The following SOS1 variants were observed in gnomAD, a reference collection of about 807,000 sequenced individuals.
The protein encoded by SOS1 is son of sevenless homolog 1.
A neutral mutation model predicts 157.6 loss-of-function variants in SOS1; 25 were observed. That is an observed-to-expected ratio of 0.16 (90% CI 0.12 to 0.22). The LOEUF (loss-of-function observed/expected upper bound fraction) is 0.22. SOS1 is among the 10% of genes least tolerant of loss of function. The probability of loss-of-function intolerance (pLI) is 1.00; values close to 1 mark genes in which losing one functional copy is unlikely to be tolerated. For missense variants in SOS1, 1,237 were observed against 1,599.1 expected, an observed-to-expected ratio of 0.77 and a Z score of 3.86; for synonymous variants, 528 against 534.0, an observed-to-expected ratio of 0.99 and a Z score of 0.16.
At chr2:39,031,759 T>C (rs1040613200) in intron 8 of SOS1, among the ~76,000 whole-genome samples, 1 of 152,046 alleles carries the variant, frequency 6.6e-6, no homozygotes, top group Non-Finnish European at 1.5e-5. Flanking sequence ...TACTGGTCAA[T>C]ATATTTACTT....
At position 39,042,561 on chromosome 2, in the gene SOS1, G is replaced by A. The variant is rs537785962; in HGVS notation, c.865-7061C>T. 2.0e-5 allele frequency among the ~76,000 whole-genome samples: 3 copies of A among 151,876 alleles called. No homozygotes were observed. In the South Asian group the frequency reaches 6.3e-4, roughly 32 times the overall value. On this transcript the variant is annotated intron_variant, in intron 6 of 22. Coordinates refer to ENST00000402219, the MANE Select transcript of SOS1 (RefSeq NM_005633.4). ...TGAGATCACAGATGCCCGCCACTACGCCCAGCTAATTTTTTGTACTTTTAG... is the reference window on the plus strand; with the variant it reads ...TGAGATCACAGATGCCCGCCACTACACCCAGCTAATTTTTTGTACTTTTAG...
At chr2:39,105,392 C>T (rs1673131305) in intron 1 of SOS1, among the ~76,000 whole-genome samples, 1 of 151,808 alleles carries the variant, frequency 6.6e-6, no homozygotes, top group South Asian at 2.1e-4. Flanking sequence ...GCTGGGATTA[C>T]AGCTGTGAGG....
chr2:39,124,339 G>A (rs1193125476), upstream of SOS1: 1 of 152,300 alleles, frequency 6.6e-6, no homozygotes, highest in East Asian at 1.9e-4. Flanking sequence ...AGGCGCAGAG[G>A]CTTCTTTTCG....
intron 2 of SOS1, among the ~76,000 whole-genome samples, chr2:39,060,028 C>T (rs570063339): frequency 6.6e-6 from 1 of 151,832 alleles, no homozygotes; most frequent in Admixed American, 6.6e-5. Flanking sequence ...GAGGAGGCAT[C>T]GCAGGTGAAA....
chr2:39,042,380 T>C (rs1426433015), intron 6 of SOS1, among the ~76,000 whole-genome samples: 3 of 152,102 alleles, frequency 2.0e-5, no homozygotes, highest in African/African-American at 7.2e-5. Context: ...AGATCTTCCT[T>C]GTGAATCTAA....
chr2:39,123,389 T>C (rs1386554066), upstream of SOS1, among the ~76,000 whole-genome samples: 1 of 150,346 alleles, frequency 6.7e-6, no homozygotes, highest in African/African-American at 2.4e-5. Flanking sequence ...AGACAGAGTC[T>C]CATTTTGTTG....
At chr2:39,017,842 T>C (rs1413547459) in intron 10 of SOS1, among the ~76,000 whole-genome samples, 1 of 151,966 alleles carries the variant, frequency 6.6e-6, no homozygotes, top group Non-Finnish European at 1.5e-5. Context: ...TCTATTGGAT[T>C]GGTTTCTCCA....
chr2:39,112,016 A>G lies in SOS1; in HGVS notation c.87+8320T>C, dbSNP rs140784994. Among the ~76,000 whole-genome samples, 117 of 151,930 alleles carry G rather than the reference A, an allele frequency of 7.7e-4. 1 individual carries two copies. The East Asian group carries it at 0.021, about 27-fold the overall frequency. On this transcript the variant is annotated intron_variant, in intron 1 of 22. Coordinates refer to ENST00000402219, the MANE Select transcript of SOS1 (RefSeq NM_005633.4). The stretch of plus-strand genomic sequence containing the variant: ...CTCTGGAATCTTAAAACTCCAAAAT[A>G]TAACAATTGTCATCATCTCTAATCA...
chr2:39,108,895 T>TA lies in SOS1; in HGVS notation c.87+11440dup, dbSNP rs57642192. ...GTGACAGAGTAAGACCTGGTGTCTTTAAAAAAAAAAAAAATTATATGGGCT... is the reference window on the plus strand; with the variant it reads ...GTGACAGAGTAAGACCTGGTGTCTTTAAAAAAAAAAAAAAATTATATGGGCT... On this transcript the variant is annotated intron_variant, in intron 1 of 22. Transcript: ENST00000402219. Among the ~76,000 whole-genome samples the TA allele has an allele frequency of 8.4e-3, 1,215 of 145,306 alleles. 5 individuals are homozygous for TA. The highest frequency in any genetic ancestry group is 0.014 in the Middle Eastern group (4 of 278).
At position 38,986,293 on chromosome 2, in the gene SOS1, C is replaced by G. The variant is rs1050237569; in HGVS notation, c.3533G>C (p.Ser1178Thr). 6.2e-7 allele frequency: 1 copy of G among 1,612,474 alleles called. No individual in the cohort carries two copies. Among genetic ancestry groups the G allele is most frequent in the Non-Finnish European group, 8.5e-7 (1 of 1,179,194 alleles). ...PSKIMSKHLD[S>T]PPAIPPRQPT... Reference sequence around the variant, plus strand: ...TTGCCTAGGAGGAATGGCTGGGGGACTGTCCAAATGCTTAGACATAATCTA... The same window carrying G: ...TTGCCTAGGAGGAATGGCTGGGGGAGTGTCCAAATGCTTAGACATAATCTA... Residue 1178 changes from serine to threonine, a missense_variant, in exon 23 of 23, where the codon AGT becomes ACT. Physicochemically the swap from Ser to Thr is moderately conservative, Grantham distance 58. Transcript: ENST00000402219.
chr2:39,030,947 G>A (rs1670139201), intron 8 of SOS1, among the ~76,000 whole-genome samples: 2 of 152,074 alleles, frequency 1.3e-5, no homozygotes, highest in African/African-American at 4.8e-5. Context: ...GCAAAGACGG[G>A]AGTGATGGCA....
At chr2:39,071,834 C>T (rs184026640) in intron 1 of SOS1, among the ~76,000 whole-genome samples, 2 of 151,728 alleles carry the variant, frequency 1.3e-5, no homozygotes, top group African/African-American at 4.8e-5. Flanking sequence ...TGCTAAAACA[C>T]GGCATGCAGT....
chr2:38,995,718 G>C lies in SOS1; in HGVS notation c.3082-331C>G, dbSNP rs141310875. On this transcript the variant is annotated intron_variant, in intron 19 of 22. Coordinates refer to ENST00000402219, the MANE Select transcript of SOS1 (RefSeq NM_005633.4). ...CCTGGTTTTTAAAACAGACTATTTT[G>C]AGCAAATTTAACCTTGTTGAAAAGC... Among the ~76,000 whole-genome samples the C allele has an allele frequency of 3.5e-3, 529 of 152,154 alleles. 4 individuals carry two copies. The highest frequency in any genetic ancestry group is 0.012 in the African/African-American group (504 of 41,492).
At chr2:38,988,281 C>T (rs994938716) in intron 21 of SOS1, among the ~76,000 whole-genome samples, 1 of 152,116 alleles carries the variant, frequency 6.6e-6, no homozygotes, top group African/African-American at 2.4e-5. Context: ...TCTAGTGAAT[C>T]TGATTTAAGA....
At chr2:39,119,817 G>T (rs113296340) in intron 1 of SOS1, among the ~76,000 whole-genome samples, 1 of 152,176 alleles carries the variant, frequency 6.6e-6, no homozygotes, top group Non-Finnish European at 1.5e-5. Context: ...TCGGAGGAGC[G>T]GGGGAAACCA....
At chr2:39,118,531 AAAAGTATCTCTAACTT>A (rs1433082840) in intron 1 of SOS1, among the ~76,000 whole-genome samples, 1 of 152,236 alleles carries the variant, frequency 6.6e-6, no homozygotes, top group African/African-American at 2.4e-5. Flanking sequence ...CTTCTACTGC[AAAAGTATCTCTAACTT>A]AAAGTCAAAA....
intron 17 of SOS1, among the ~76,000 whole-genome samples, chr2:39,001,306 G>A (rs142346514): frequency 2.0e-4 from 30 of 152,224 alleles, no homozygotes; most frequent in African/African-American, 6.7e-4. Flanking sequence ...TAAGCAATTC[G>A]CTCACCTCAA....
At chr2:39,038,667 G>A (rs1440745915) in intron 6 of SOS1, among the ~76,000 whole-genome samples, 2 of 131,576 alleles carry the variant, frequency 1.5e-5, no homozygotes, top group Non-Finnish European at 3.1e-5. Flanking sequence ...CTGGGAGGCA[G>A]AGGTTGCAGT....
chr2:39,113,357 CTTTTTTT>C (rs573347245), intron 1 of SOS1, among the ~76,000 whole-genome samples: 2 of 137,362 alleles, frequency 1.5e-5, no homozygotes, highest in Admixed American at 1.5e-4. Context: ...TACCTGTCTT[CTTTTTTT>C]TTTTTTTTTC....
Sources: allele counts gnomAD v4.1 joint callset (sites outside exome capture counted in the v4.1 genomes callset), GRCh38; gene constraint gnomAD v4.1.1; transcripts MANE v1.5; gene names NCBI Gene and HGNC (gene_info 2026-07-23, HGNC 2026-07-21).